Variants in QARS1 observed in about 807,000 individuals in gnomAD.
QARS1 encodes glutamine--tRNA ligase.
QARS1 carries 79 observed loss-of-function variants against 106.9 expected under a neutral mutation model. The ratio of observed to expected loss-of-function variants is 0.74; its 90% CI spans 0.62 to 0.89. The LOEUF (loss-of-function observed/expected upper bound fraction) is 0.89, where lower values mean the gene tolerates loss of function less well. Among genes scored for constraint, QARS1 ranks in the 40% least tolerant of loss-of-function variants. The pLI, the probability that QARS1 is intolerant of heterozygous loss-of-function variation, is 0.00. For missense variants in QARS1, 966 were observed against 997.2 expected (o/e 0.97, Z 0.42); for synonymous variants, 395 against 367.7 (o/e 1.07, Z -0.85).
chr3:49,095,971 G>A lies in QARS1; in HGVS notation c.*58C>T. On this transcript the variant is annotated 3_prime_UTR_variant, in exon 24 of 24. Transcript: ENST00000306125. ...GCTGTTCTTTATTGACATGGAATTT[G>A]GGGTGGCGAGGGTAGCCACACCCTC... 4 of 1,495,310 alleles carry A rather than the reference G, an allele frequency of 2.7e-6. No homozygotes were observed. Among genetic ancestry groups the A allele is most frequent in the Non-Finnish European group, 3.7e-6 (4 of 1,078,482 alleles). 92.6% of individuals were successfully genotyped at this position (1,495,310 alleles called of 1,614,324 possible). A position where few individuals can be genotyped will look rare whatever the true frequency, so the allele number is the denominator to read the frequency against.
chr3:49,102,648 T>C, intron 5 of QARS1, 176 bp from the exon 6 acceptor site: 2 of 686,396 alleles, frequency 2.9e-6, no homozygotes, highest in South Asian at 1.6e-5. Context: ...ATGCTCTTGC[T>C]CTTGTTGCCC....
intron 11 of QARS1, 26 bp downstream of exon 11, chr3:49,100,549 C>T (rs889354650): frequency 6.3e-7 from 1 of 1,591,330 alleles, no homozygotes; most frequent in Admixed American, 1.7e-5. Context: ...AACCACCAGC[C>T]CTTCTAGGCT....
chr3:49,103,987 C>T lies in QARS1; in HGVS notation c.266-15G>A, dbSNP rs761737038. 8.7e-6 allele frequency: 14 copies of T among 1,603,990 alleles called. No homozygotes were observed. The highest frequency in any genetic ancestry group is 1.6e-4 in the Middle Eastern group (1 of 6,068). Reference sequence around the variant, plus strand: ...CTCAAGGGCAGCTGAGAAGAAAGAGCCCGTGAGTTTGTGGCATCTCTGCTC... The same window carrying T: ...CTCAAGGGCAGCTGAGAAGAAAGAGTCCGTGAGTTTGTGGCATCTCTGCTC... On this transcript the variant is annotated splice_polypyrimidine_tract_variant and intron_variant, in intron 2 of 23. Coordinates refer to ENST00000306125, the MANE Select transcript of QARS1 (RefSeq NM_005051.3).
chr3:49,103,902 G>A lies in QARS1; in HGVS notation c.336C>T (p.Gly112=), dbSNP rs2042503948. The A allele has an allele frequency of 1.2e-6, 2 of 1,614,040 alleles. No individual in the cohort carries two copies. Among genetic ancestry groups the A allele is most frequent in the East Asian group, 2.2e-5 (1 of 44,888 alleles). ...GCTCTGGGGTCACAATGACACCCAC[G>A]CCACATTCCCGCTCGAAGTCCACAG... is the stretch of plus-strand genomic sequence containing the variant. The part of the protein sequence containing the change: ...IDTVDFEREC[G]VGVIVTPEQI... The change falls in exon 3 of 24, where the codon GGC becomes GGT. Residue 112 remains glycine, a synonymous_variant. Coordinates refer to ENST00000306125, the MANE Select transcript of QARS1 (RefSeq NM_005051.3).
Position 49,098,174 on chromosome 3 carries a change from C to T in QARS1, c.2151+18G>A. The T allele has an allele frequency of 6.2e-7, 1 of 1,614,194 alleles. No individual in the cohort carries two copies. The highest frequency in any genetic ancestry group is 8.5e-7 in the Non-Finnish European group (1 of 1,180,036). On this transcript the variant is annotated intron_variant, in intron 22 of 23. Transcript: ENST00000306125. ...CCAGGGAGGCCTACCTCCCTCACCC[C>T]AAACCTCATGAACCTACCAGGTTCA... is the stretch of plus-strand genomic sequence containing the variant.
In QARS1 at chr3:49,100,237, A is replaced by G; in HGVS notation, c.1117T>C (p.Ser373Pro). The change falls in exon 13 of 24, where the codon TCA becomes CCA. Residue 373 changes from serine (S) to proline (P), a missense_variant. By Grantham distance (74) the Ser-to-Pro change is moderately conservative (BLOSUM62 -1). Transcript: ENST00000306125. The stretch of plus-strand genomic sequence containing the variant: ...TCCATGGGACGGTCTCTCCAGGGTG[A>G]AGGCAGAGTATTATGGCCTTTGAGC... The part of the protein sequence containing the change: ...EELKGHNTLP[S>P]PWRDRPMEES... 2 of 1,614,240 alleles carry G rather than the reference A, an allele frequency of 1.2e-6. No individual in the cohort carries two copies. Among genetic ancestry groups the G allele is most frequent in the East Asian group, 4.5e-5 (2 of 44,884 alleles).
chr3:49,104,037 A>C, intron 2 of QARS1, 65 bp from the exon 3 acceptor site: 1 of 1,422,000 alleles, frequency 7.0e-7, no homozygotes, highest in Non-Finnish European at 9.8e-7. Context: ...ACAGGGTCCT[A>C]ATCTCATGAA....
At chr3:49,098,561 A>G in intron 20 of QARS1, 39 bp downstream of exon 20, 2 of 1,609,740 alleles carry the variant, frequency 1.2e-6, no homozygotes, top group Non-Finnish European at 1.7e-6. Context: ...TCTTGGCCCC[A>G]GCAGGCACTG....
chr3:49,097,340 A>C (rs964250376), intron 23 of QARS1: 17 of 151,932 alleles, frequency 1.1e-4, no homozygotes, highest in African/African-American at 4.1e-4. Context: ...AGATATTAAA[A>C]ATAATATCTT....
chr3:49,102,598 G>C, intron 5 of QARS1, 126 bp from the exon 6 acceptor site: 1 of 963,908 alleles, frequency 1.0e-6, no homozygotes, highest in Admixed American at 2.0e-5. Context: ...AACCTACCTA[G>C]CCCATCCCAT....
chr3:49,104,601 G>A lies in QARS1; in HGVS notation c.117+16C>T, dbSNP rs2107114792. 2 of 1,598,846 alleles carry A rather than the reference G, an allele frequency of 1.3e-6. No homozygotes were observed. The highest frequency in any genetic ancestry group is 3.4e-4 in the Middle Eastern group (2 of 5,924). On this transcript the variant is annotated intron_variant, in intron 1 of 23. Coordinates refer to ENST00000306125, the MANE Select transcript of QARS1 (RefSeq NM_005051.3). The stretch of plus-strand genomic sequence containing the variant: ...GCATGGTCTGCAAACCAGGCCGGGG[G>A]CAGAGGGGCTCGCACCTGAGTAGCG...
In QARS1 at chr3:49,103,960, T is replaced by A. The variant is rs2042504928; in HGVS notation, c.278A>T (p.Tyr93Phe). 3 of 1,613,768 alleles carry A rather than the reference T, an allele frequency of 1.9e-6. No homozygotes were observed. The highest frequency in any genetic ancestry group is 2.5e-6 in the Non-Finnish European group (3 of 1,179,928). ...GGGGTCCAAGGGGTGACTCCGCACA[T>A]ACTCAAGGGCAGCTGAGAAGAAAGA... is the stretch of plus-strand genomic sequence containing the variant. ...TEPQLSAALE[Y>F]VRSHPLDPID... Residue 93 changes from tyrosine (Y) to phenylalanine (F), a missense_variant, in exon 3 of 24, where the codon TAT becomes TTT. Physicochemically the swap from Tyr to Phe is conservative, Grantham distance 22. Coordinates refer to ENST00000306125, the MANE Select transcript of QARS1 (RefSeq NM_005051.3).
chr3:49,099,884 C>T, intron 14 of QARS1, 31 bp from the exon 15 acceptor site: 1 of 1,613,980 alleles, frequency 6.2e-7, no homozygotes, highest in Non-Finnish European at 8.5e-7. Context: ...GCCCTACCAT[C>T]CAGCCCTACT....
At chr3:49,101,133 C>T (rs561252962) in intron 10 of QARS1, among the ~76,000 whole-genome samples, 2 of 152,368 alleles carry the variant, frequency 1.3e-5, no homozygotes, top group South Asian at 4.1e-4. Context: ...GCACTGGCAA[C>T]TCCCCCAAAT....
In QARS1 at chr3:49,100,953, A is replaced by G. The variant is rs575759494; in HGVS notation, c.877-279T>C. ...GATGGGGTTTCACCATGTTGGCCAG[A>G]TTGGTTTCGAACTCCTGACCTCAAG... is the stretch of plus-strand genomic sequence containing the variant. On this transcript the variant is annotated intron_variant, in intron 10 of 23. Coordinates refer to ENST00000306125, the MANE Select transcript of QARS1 (RefSeq NM_005051.3). Among the ~76,000 whole-genome samples the G allele has an allele frequency of 3.9e-5, 6 of 152,188 alleles. No homozygotes were observed. The South Asian group carries it at 1.0e-3, about 26-fold the overall frequency.
At chr3:49,102,596 T>A in intron 5 of QARS1, 124 bp from the exon 6 acceptor site, 3 of 983,494 alleles carry the variant, frequency 3.1e-6, no homozygotes, top group African/African-American at 1.6e-5. Context: ...AAAACCTACC[T>A]AGCCCATCCC....
chr3:49,101,696 T>C lies in QARS1; in HGVS notation c.713A>G (p.Tyr238Cys), dbSNP rs1213661231. 3.1e-6 allele frequency: 5 copies of C among 1,614,140 alleles called. No individual in the cohort carries two copies. In the South Asian group the frequency reaches 3.3e-5, roughly 11 times the overall value. ...AGTGACCACATAGCCTGGGGTCTTG[T>C]AGTTCTCACCTGCCAGGACCAGAAT... Reference protein sequence around the residue: ...ALKFHKPGENYKTPGYVVTPH... With the variant: ...ALKFHKPGENCKTPGYVVTPH... Residue 238 changes from tyrosine (Y) to cysteine (C), a missense_variant, in exon 9 of 24, where the codon TAC becomes TGC. Transcript: ENST00000306125.
rs965125528 is a variant in QARS1 at position 49,103,990 on chromosome 3, G to A, written c.266-18C>T. The A allele has an allele frequency of 8.1e-6, 13 of 1,597,030 alleles. No homozygotes were observed. The highest frequency in any genetic ancestry group is 5.4e-5 in the African/African-American group (4 of 74,558). On this transcript the variant is annotated intron_variant, in intron 2 of 23. Transcript: ENST00000306125. ...AAGGGCAGCTGAGAAGAAAGAGCCC[G>A]TGAGTTTGTGGCATCTCTGCTCCAA...
chr3:49,100,102 C>T lies in QARS1; in HGVS notation c.1165-11G>A, dbSNP rs748796100. The T allele has an allele frequency of 1.9e-6, 3 of 1,614,120 alleles. No individual in the cohort carries two copies. The East Asian group carries it at 6.7e-5, about 36-fold the overall frequency. On this transcript the variant is annotated splice_polypyrimidine_tract_variant and intron_variant, in intron 13 of 23. Coordinates refer to ENST00000306125, the MANE Select transcript of QARS1 (RefSeq NM_005051.3). The stretch of plus-strand genomic sequence containing the variant: ...GCCCTTGCGCATTGCCTGAGGGGAA[C>T]AAGGACTCAGGCTGTCTCTAAGCAC...
Sources: allele counts gnomAD v4.1 joint callset (sites outside exome capture counted in the v4.1 genomes callset), GRCh38; gene constraint gnomAD v4.1.1; transcripts MANE v1.5; gene names NCBI Gene and HGNC (gene_info 2026-07-23, HGNC 2026-07-21).